The following ZCCHC2 variants were observed in gnomAD, a reference collection of about 807,000 sequenced individuals.
ZCCHC2 encodes the protein zinc finger CCHC domain-containing protein 2.
ZCCHC2 carries 39 observed loss-of-function variants against 103.6 expected under a neutral mutation model. The ratio of observed to expected loss-of-function variants is 0.38; its 90% confidence interval spans 0.29 to 0.49. ZCCHC2 has a LOEUF of 0.49. Ranked by LOEUF, ZCCHC2 falls within the 20% of genes least tolerant of loss-of-function variation. ZCCHC2 has a pLI of 0.96. For missense variants in ZCCHC2, 1,483 were observed against 1,491.0 expected, an observed-to-expected ratio of 0.99 and a Z score of 0.09; for synonymous variants, 687 against 608.9, an observed-to-expected ratio of 1.13 and a Z score of -1.89.
rs67299838 is a variant in ZCCHC2 at position 62,529,159 on chromosome 18, C to CAA, written c.939+4817_939+4818dup. On this transcript the variant is annotated intron_variant, in intron 1 of 13. Coordinates refer to ENST00000269499, the MANE Select transcript of ZCCHC2 (RefSeq NM_017742.6). ...TGGGTGACAGAGTGAGACAACGTCTCAAAAAAAAAAAAAAAAAAAAAAGAT... is the reference window on the plus strand; with the variant it reads ...TGGGTGACAGAGTGAGACAACGTCTCAAAAAAAAAAAAAAAAAAAAAAAAGAT... 9.5e-3 allele frequency among the ~76,000 whole-genome samples: 623 copies of CAA among 65,452 alleles called. 11 individuals are homozygous for CAA. Among genetic ancestry groups the CAA allele is most frequent in the Non-Finnish European group, 0.011 (369 of 34,042 alleles). The allele number at this position is 65,452 out of a possible 152,430, so 42.9% of individuals were successfully genotyped here. A position where few individuals can be genotyped will look rare whatever the true frequency, so the allele number is the denominator to read the frequency against.
chr18:62,535,102 T>C (rs1452342794), intron 1 of ZCCHC2, among the ~76,000 whole-genome samples: 1 of 152,054 alleles, frequency 6.6e-6, no homozygotes, highest in African/African-American at 2.4e-5. Context: ...TTGGCCTCCC[T>C]CCCTCATCTC....
chr18:62,557,270 A>C (rs529173936), intron 6 of ZCCHC2, among the ~76,000 whole-genome samples: 2 of 152,298 alleles, frequency 1.3e-5, no homozygotes, highest in East Asian at 3.9e-4. Flanking sequence ...CTTTAGCAGA[A>C]TTTCTGCTGA....
chr18:62,531,617 C>T (rs866088544), intron 1 of ZCCHC2, among the ~76,000 whole-genome samples: 2 of 151,802 alleles, frequency 1.3e-5, no homozygotes, highest in Non-Finnish European at 2.9e-5. Context: ...ATTCATAGAG[C>T]GATTAGCACA....
chr18:62,554,266 G>T lies in ZCCHC2; in HGVS notation c.1314-1937G>T, dbSNP rs115703741. On this transcript the variant is annotated intron_variant, in intron 5 of 13. Coordinates refer to ENST00000269499, the MANE Select transcript of ZCCHC2 (RefSeq NM_017742.6). Reference sequence around the variant, plus strand: ...TGTAGCAGTTATAAAGGAGGCGGAAGAAAGGAAACTGAGAAATAGGAAGTA... The same window carrying T: ...TGTAGCAGTTATAAAGGAGGCGGAATAAAGGAAACTGAGAAATAGGAAGTA... Among the ~76,000 whole-genome samples, 524 of 152,292 alleles carry T rather than the reference G, an allele frequency of 3.4e-3. 4 individuals are homozygous for T. Among genetic ancestry groups the T allele is most frequent in the African/African-American group, 0.012 (486 of 41,548 alleles).
Position 62,558,780 on chromosome 18 carries a change from G to A in ZCCHC2, c.1492+10G>A. ...TCAAGTCAAGAAGAAGGTAAAGGTAGATTCACTAGAGTAAATCATTCTGCC... is the reference window on the plus strand; with the variant it reads ...TCAAGTCAAGAAGAAGGTAAAGGTAAATTCACTAGAGTAAATCATTCTGCC... On this transcript the variant is annotated intron_variant, in intron 7 of 13. Coordinates refer to ENST00000269499, the MANE Select transcript of ZCCHC2 (RefSeq NM_017742.6). The A allele has an allele frequency of 2.0e-6, 3 of 1,519,278 alleles. No homozygotes were observed. Among genetic ancestry groups the A allele is most frequent in the South Asian group, 1.2e-5 (1 of 80,412 alleles). 94.1% of individuals were successfully genotyped at this position (1,519,278 alleles called of 1,614,324 possible).
chr18:62,571,794 C>G (rs1916608156), intron 12 of ZCCHC2, among the ~76,000 whole-genome samples: 1 of 152,240 alleles, frequency 6.6e-6, no homozygotes, highest in Non-Finnish European at 1.5e-5. Context: ...TCTTCCTGGA[C>G]AGTCTGCAGC....
exon 15 of ZCCHC2, chr18:62,585,998 G>A (rs1004658001): frequency 2.0e-5 from 3 of 152,174 alleles, no homozygotes; most frequent in Admixed American, 6.5e-5. Context: ...TGGGTATGTC[G>A]GTGTGAGGTG....
chr18:62,542,482 G>C lies in ZCCHC2; in HGVS notation c.1052-16G>C, dbSNP rs369475425. On this transcript the variant is annotated splice_polypyrimidine_tract_variant and intron_variant, in intron 2 of 13. Coordinates refer to ENST00000269499, the MANE Select transcript of ZCCHC2 (RefSeq NM_017742.6). ...GTCTTTGTAGCACAAGTCACCGTGT[G>C]TTTTTTTTCTTTCAGCTGTACACAT... The C allele has an allele frequency of 6.5e-7, 1 of 1,546,812 alleles. No homozygotes were observed.
chr18:62,527,452 T>C (rs769936478), intron 1 of ZCCHC2, among the ~76,000 whole-genome samples: 12 of 152,236 alleles, frequency 7.9e-5, no homozygotes, highest in Non-Finnish European at 1.5e-4. Context: ...TAGGCTACAT[T>C]GGAAATACAG....
intron 14 of ZCCHC2, among the ~76,000 whole-genome samples, chr18:62,583,718 T>G (rs2121912681): frequency 6.6e-6 from 1 of 152,148 alleles, no homozygotes; most frequent in South Asian, 2.1e-4. Context: ...CTCATTGATT[T>G]CCAGAGCAGT....
At position 62,576,638 on chromosome 18, in the gene ZCCHC2, G is replaced by A; in HGVS notation, c.*59G>A. The stretch of plus-strand genomic sequence containing the variant: ...GTGTGGGGAGTCATGGGGTGTGGAG[G>A]GGAGGAAAGGAAAGGTATTTTGTTT... On this transcript the variant is annotated 3_prime_UTR_variant, in exon 14 of 14. Transcript: ENST00000269499. 6.6e-7 allele frequency: 1 copy of A among 1,507,328 alleles called. No individual in the cohort carries two copies. Among genetic ancestry groups the A allele is most frequent in the Non-Finnish European group, 9.1e-7 (1 of 1,093,086 alleles). 93.4% of individuals were successfully genotyped at this position (1,507,328 alleles called of 1,614,324 possible).
rs948862203 is a variant in ZCCHC2, at chr18:62,531,036, T to C, written c.939+6673T>C. Among the ~76,000 whole-genome samples, 9 of 152,332 alleles carry C rather than the reference T, an allele frequency of 5.9e-5. No homozygotes were observed. In the South Asian group the frequency reaches 6.2e-4, roughly 11 times the overall value. ...TTATTTTTAACTCACTTAATATTTT[T>C]CTCTTGAGAAATGTTAAGCTAATTT... On this transcript the variant is annotated intron_variant, in intron 1 of 13. Coordinates refer to ENST00000269499, the MANE Select transcript of ZCCHC2 (RefSeq NM_017742.6).
chr18:62,572,850 A>G (rs1171189273), intron 12 of ZCCHC2, among the ~76,000 whole-genome samples: 1 of 152,240 alleles, frequency 6.6e-6, no homozygotes, highest in African/African-American at 2.4e-5. Flanking sequence ...TGATACAGAT[A>G]AAATGCCTTC....
rs1915084893 is a variant in ZCCHC2, at chr18:62,539,590, A to G, written c.940-91A>G. On this transcript the variant is annotated intron_variant, in intron 1 of 13. Coordinates refer to ENST00000269499, the MANE Select transcript of ZCCHC2 (RefSeq NM_017742.6). ...TGGACCTCTAAAAATTGCCACTAAA[A>G]TGGTTGTTAGTAAAATGAGAAGACC... 17 of 1,148,702 alleles carry G rather than the reference A, an allele frequency of 1.5e-5. No individual in the cohort carries two copies. In the South Asian group the frequency reaches 2.4e-4, roughly 16 times the overall value. The allele number at this position is 1,148,702 out of a possible 1,614,324, so 71.2% of individuals were successfully genotyped here.
intron 11 of ZCCHC2, among the ~76,000 whole-genome samples, chr18:62,569,552 T>C (rs942521420): frequency 6.6e-6 from 1 of 151,826 alleles, no homozygotes; most frequent in East Asian, 1.9e-4. Flanking sequence ...GATACACCGA[T>C]AGTCCCTCCT....
intron 4 of ZCCHC2, among the ~76,000 whole-genome samples, chr18:62,547,425 C>G (rs1915464993): frequency 1.3e-5 from 2 of 151,662 alleles, no homozygotes; most frequent in South Asian, 4.2e-4. Context: ...ACCTGTACTT[C>G]TAGCTTGCTG....
downstream of ZCCHC2, among the ~76,000 whole-genome samples, chr18:62,582,633 CA>C (rs1917066111): frequency 6.6e-6 from 1 of 152,088 alleles, no homozygotes; most frequent in Non-Finnish European, 1.5e-5. Flanking sequence ...GAGTTGCAGT[CA>C]CACCACTGCA....
intron 1 of ZCCHC2, chr18:62,524,795 G>C (rs1189218728): frequency 1.2e-5 from 2 of 170,068 alleles, no homozygotes; most frequent in Non-Finnish European, 2.5e-5. Flanking sequence ...GTCCTTCCCC[G>C]CCTGCCTGGC....
chr18:62,574,101 A>G lies in ZCCHC2; in HGVS notation c.2020A>G (p.Arg674Gly). The change falls in exon 13 of 14, where the codon AGG (arginine) becomes GGG (glycine). Residue 674 changes from arginine to glycine, a missense_variant. This residue lies in a region of ZCCHC2 where 884 missense variants were observed against 907.5 expected (regional missense o/e 0.97). Coordinates refer to ENST00000269499, the MANE Select transcript of ZCCHC2 (RefSeq NM_017742.6). Reference sequence around the variant, plus strand: ...GGATTCTGGGAATCCATCAACAACTAGGTTTACAGGTTACGGTTCTGTCAA... The same window carrying G: ...GGATTCTGGGAATCCATCAACAACTGGGTTTACAGGTTACGGTTCTGTCAA... ...SEDSGNPSTT[R>G]FTGYGSVNQT... The G allele has an allele frequency of 6.2e-7, 1 of 1,613,986 alleles. No homozygotes were observed.
Sources: gnomAD v4.1 joint callset for allele counts (sites outside exome capture counted in the v4.1 genomes callset) on GRCh38, gnomAD v4.1.1 for gene constraint, gnomAD v4.1.1 regional missense constraint, MANE v1.5 for transcripts, NCBI Gene and HGNC (gene_info 2026-07-23, HGNC 2026-07-21) for gene names.